The following CFAP20DC variants were observed in gnomAD, a reference collection of about 807,000 sequenced individuals.
The protein encoded by CFAP20DC is CFAP20 domain containing, also known as protein CFAP20DC.
CFAP20DC carries 84 observed loss-of-function variants against 101.7 expected under a neutral mutation model. The ratio of observed to expected loss-of-function variants is 0.83; its 90% CI spans 0.69 to 0.99. CFAP20DC has a LOEUF of 0.99. Ranked by LOEUF, CFAP20DC falls within the 50% of genes least tolerant of loss-of-function variation. The pLI is 0.00. For synonymous variants in CFAP20DC, 359 were observed against 351.2 expected (o/e 1.02, Z -0.25); for missense variants, 1,007 against 970.3 (o/e 1.04, Z -0.50).
chr3:58,928,905 C>T (rs542562843), intron 5 of CFAP20DC, among the ~76,000 whole-genome samples: 18 of 152,150 alleles, frequency 1.2e-4, no homozygotes, highest in Non-Finnish European at 2.6e-4. Context: ...ATTTATCTTT[C>T]TTGCCTATAT....
intron 4 of CFAP20DC, among the ~76,000 whole-genome samples, chr3:58,998,966 C>G (rs1301607055): frequency 2.0e-5 from 3 of 152,336 alleles, no homozygotes; most frequent in Middle Eastern, 6.8e-3. Flanking sequence ...AGCTGGTGGA[C>G]AGTTAAACTC....
At chr3:58,842,670 A>G (rs918852133) in intron 13 of CFAP20DC, among the ~76,000 whole-genome samples, 4 of 152,256 alleles carry the variant, frequency 2.6e-5, no homozygotes, top group African/African-American at 9.6e-5. Flanking sequence ...CCACAGCTCA[A>G]GGAGGCCTGC....
At chr3:58,905,520 G>C (rs2083505042) in intron 6 of CFAP20DC, among the ~76,000 whole-genome samples, 2 of 152,298 alleles carry the variant, frequency 1.3e-5, no homozygotes, top group Admixed American at 1.3e-4. Flanking sequence ...AGTGAAAACT[G>C]ATTAATTGCT....
At chr3:58,991,489 T>A (rs1389483095) in intron 4 of CFAP20DC, among the ~76,000 whole-genome samples, 1 of 152,206 alleles carries the variant, frequency 6.6e-6, no homozygotes, top group Non-Finnish European at 1.5e-5. Flanking sequence ...TGGTCTATAT[T>A]TGCTTAAAAT....
chr3:58,773,176 A>G (rs563564281), intron 15 of CFAP20DC, among the ~76,000 whole-genome samples: 1 of 152,100 alleles, frequency 6.6e-6, no homozygotes, highest in South Asian at 2.1e-4. Context: ...CCCTTGACCA[A>G]CTAAGGAGAG....
chr3:58,962,094 T>C (rs2091188881), intron 4 of CFAP20DC, among the ~76,000 whole-genome samples: 1 of 152,206 alleles, frequency 6.6e-6, no homozygotes, highest in Admixed American at 6.5e-5. Flanking sequence ...TTTCTTAGGG[T>C]GGAAACTTAG....
Position 58,913,531 on chromosome 3 carries a change from G to T in CFAP20DC, c.550+177C>A. The T allele has an allele frequency of 1.5e-6, 1 of 646,416 alleles. No individual in the cohort carries two copies. Among genetic ancestry groups the T allele is most frequent in the Non-Finnish European group, 2.7e-6 (1 of 372,362 alleles). The allele number at this position is 646,416 out of a possible 1,614,324, so 40.0% of individuals were successfully genotyped here. A position where few individuals can be genotyped will look rare whatever the true frequency, so the allele number is the denominator to read the frequency against. The stretch of plus-strand genomic sequence containing the variant: ...ATTAATACCTTTTTTGTGACATTCA[G>T]CTATAGTAAAAATAAACATTTGATC... On this transcript the variant is annotated intron_variant, in intron 6 of 16. Transcript: ENST00000482387. The surrounding 1 kb of genome is among the most constrained non-coding windows in gnomAD (Gnocchi z 4.4).
chr3:58,876,810 T>C (rs753240658), intron 7 of CFAP20DC, among the ~76,000 whole-genome samples: 25 of 152,210 alleles, frequency 1.6e-4, no homozygotes, highest in Non-Finnish European at 3.4e-4. Context: ...CTTACATCTA[T>C]TATCTAACAA....
chr3:58,816,865 A>G (rs893540018), intron 14 of CFAP20DC, among the ~76,000 whole-genome samples: 4 of 152,176 alleles, frequency 2.6e-5, no homozygotes, highest in Non-Finnish European at 5.9e-5. Context: ...AGACAGCAGT[A>G]ACCTCTGCAG....
intron 6 of CFAP20DC, among the ~76,000 whole-genome samples, chr3:58,910,558 C>T (rs146933212): frequency 2.0e-5 from 3 of 151,986 alleles, no homozygotes; most frequent in South Asian, 2.1e-4. Context: ...CTTTATCTTT[C>T]CTGTTCTAAA....
chr3:58,909,542 A>C (rs1051732305), intron 6 of CFAP20DC, among the ~76,000 whole-genome samples: 6 of 152,116 alleles, frequency 3.9e-5, no homozygotes, highest in Admixed American at 2.0e-4. Flanking sequence ...ATACTCTATC[A>C]GATACATTTT....
chr3:58,895,687 G>C (rs766480261), intron 6 of CFAP20DC, among the ~76,000 whole-genome samples: 1 of 152,060 alleles, frequency 6.6e-6, no homozygotes, highest in Non-Finnish European at 1.5e-5. Context: ...CAACTCTATT[G>C]GTACCAATTT....
chr3:58,821,396 C>G (rs2075633592), intron 14 of CFAP20DC, among the ~76,000 whole-genome samples: 1 of 152,136 alleles, frequency 6.6e-6, no homozygotes, highest in African/African-American at 2.4e-5. Flanking sequence ...ACCTACTCAT[C>G]TGACAAAGGG....
intron 14 of CFAP20DC, among the ~76,000 whole-genome samples, chr3:58,817,966 A>T (rs1177303024): frequency 2.0e-4 from 30 of 150,642 alleles, no homozygotes; most frequent in Non-Finnish European, 1.5e-5. Flanking sequence ...ACAAGCCAGA[A>T]GAGAGTGGGA....
At position 58,793,664 on chromosome 3, in the gene CFAP20DC, A is replaced by G. The variant is rs535222589; in HGVS notation, c.2237+12731T>C. Among the ~76,000 whole-genome samples the G allele has an allele frequency of 3.9e-5, 6 of 152,250 alleles. No homozygotes were observed. The South Asian group carries it at 1.2e-3, about 32-fold the overall frequency. On this transcript the variant is annotated intron_variant, in intron 15 of 16. Coordinates refer to ENST00000482387, the MANE Select transcript of CFAP20DC (RefSeq NM_001394063.1). Reference sequence around the variant, plus strand: ...TCACCCCCTACCCTCAACCCTTACTAAGGTGTCAAGGAAAAGATATTCTTT... The same window carrying G: ...TCACCCCCTACCCTCAACCCTTACTGAGGTGTCAAGGAAAAGATATTCTTT...
intron 5 of CFAP20DC, among the ~76,000 whole-genome samples, chr3:58,920,156 T>G (rs2085198080): frequency 1.4e-5 from 2 of 142,810 alleles, no homozygotes; most frequent in African/African-American, 2.6e-5. Context: ...TCACTGCCAG[T>G]GGAGGCTGAC....
At chr3:58,760,391 T>A (rs2069440960) in intron 15 of CFAP20DC, among the ~76,000 whole-genome samples, 1 of 152,238 alleles carries the variant, frequency 6.6e-6, no homozygotes, top group African/African-American at 2.4e-5. Context: ...TTTTGTATCC[T>A]GAGACTTTGC....
intron 6 of CFAP20DC, among the ~76,000 whole-genome samples, chr3:58,907,470 T>C (rs1255753817): frequency 2.0e-5 from 3 of 152,216 alleles, no homozygotes; most frequent in Non-Finnish European, 4.4e-5. Context: ...AGAAGACAGA[T>C]AAATGTTTAA....
At chr3:58,952,583 T>C (rs2108068459) in intron 4 of CFAP20DC, among the ~76,000 whole-genome samples, 2 of 152,312 alleles carry the variant, frequency 1.3e-5, no homozygotes, top group East Asian at 3.9e-4. Flanking sequence ...TAGATGCCTA[T>C]GTAATCCTCT....
Sources: allele counts gnomAD v4.1 joint callset (sites outside exome capture counted in the v4.1 genomes callset), GRCh38; gene constraint gnomAD v4.1.1; non-coding constraint Gnocchi (gnomAD v3.1); transcripts MANE v1.5; gene names NCBI Gene and HGNC (gene_info 2026-07-23, HGNC 2026-07-21).